Variants in VIRMA observed in about 807,000 individuals in gnomAD.
The protein encoded by VIRMA is vir like m6A methyltransferase associated.
Under a neutral mutation model 182.4 loss-of-function variants are expected in VIRMA, and 65 were observed. That is an observed-to-expected ratio of 0.36 (90% CI 0.29 to 0.44). The LOEUF (loss-of-function observed/expected upper bound fraction) is 0.44. Among genes scored for constraint, VIRMA ranks in the 20% least tolerant of loss-of-function variants. The pLI is 1.00. For missense variants in VIRMA, 1,752 were observed against 2,158.1 expected (o/e 0.81, Z 3.73); for synonymous variants, 709 against 743.1 (o/e 0.95, Z 0.75).
chr8:94,531,820 T>G (rs1390708368), intron 5 of VIRMA, among the ~76,000 whole-genome samples: 2 of 152,234 alleles, frequency 1.3e-5, no homozygotes, highest in Non-Finnish European at 2.9e-5. Flanking sequence ...CAGTTAAATT[T>G]TGGTACATCT....
intron 5 of VIRMA, 76 bp from the exon 6 acceptor site, chr8:94,531,161 T>C: frequency 7.2e-7 from 1 of 1,398,128 alleles, no homozygotes; most frequent in Non-Finnish European, 9.4e-7. Context: ...TTGAACTGTG[T>C]GGGTCCACTT....
At chr8:94,531,579 T>C (rs1354427995) in intron 5 of VIRMA, among the ~76,000 whole-genome samples, 1 of 152,236 alleles carries the variant, frequency 6.6e-6, no homozygotes, top group Non-Finnish European at 1.5e-5. Context: ...TAACTGATTA[T>C]AAACTTTTCC....
chr8:94,526,080 A>C (rs892775872), intron 8 of VIRMA, 143 bp downstream of exon 8: 2 of 648,642 alleles, frequency 3.1e-6, no homozygotes, highest in Non-Finnish European at 5.3e-6. Context: ...TCTCAGTTCC[A>C]CTACTAAATA....
rs1305581566 is a variant in VIRMA at position 94,520,532 on chromosome 8, C to T, written c.2022-1056G>A. Among the ~76,000 whole-genome samples, 3 of 152,206 alleles carry T rather than the reference C, an allele frequency of 2.0e-5. No homozygotes were observed. The East Asian group carries it at 5.8e-4, about 29-fold the overall frequency. On this transcript the variant is annotated intron_variant, in intron 8 of 23. Coordinates refer to ENST00000297591, the MANE Select transcript of VIRMA (RefSeq NM_015496.5). Reference sequence around the variant, plus strand: ...AAAGACAGAAAAGAATGTATCTGTACTGACCATGTACAGACTTTTTTCTTA... The same window carrying T: ...AAAGACAGAAAAGAATGTATCTGTATTGACCATGTACAGACTTTTTTCTTA...
chr8:94,552,671 G>A (rs1816035642), intron 1 of VIRMA, among the ~76,000 whole-genome samples: 1 of 151,840 alleles, frequency 6.6e-6, no homozygotes, highest in Non-Finnish European at 1.5e-5. Context: ...CATATTGCAG[G>A]GCCAATTGTA....
intron 6 of VIRMA, among the ~76,000 whole-genome samples, chr8:94,530,299 A>G (rs1392368222): frequency 6.6e-6 from 1 of 152,064 alleles, no homozygotes; most frequent in Non-Finnish European, 1.5e-5. Context: ...GGATCACTTG[A>G]GTTTAAGACC....
At chr8:94,509,319 T>C (rs997783252) in intron 15 of VIRMA, among the ~76,000 whole-genome samples, 4 of 151,766 alleles carry the variant, frequency 2.6e-5, no homozygotes, top group African/African-American at 9.7e-5. Context: ...GAGAATCACT[T>C]GAACCCAGTG....
At chr8:94,536,222 T>C (rs965841454) in intron 4 of VIRMA, among the ~76,000 whole-genome samples, 10 of 152,230 alleles carry the variant, frequency 6.6e-5, no homozygotes, top group East Asian at 5.8e-4. Context: ...CAAGGATTGA[T>C]AGACTGAACA....
intron 2 of VIRMA, among the ~76,000 whole-genome samples, 197 bp from the exon 3 acceptor site, chr8:94,538,543 G>A (rs1447890140): frequency 6.6e-6 from 1 of 152,182 alleles, no homozygotes; most frequent in Non-Finnish European, 1.5e-5. Flanking sequence ...GTAGCCAACA[G>A]CTGATTTTAA....
intron 11 of VIRMA, chr8:94,512,376 A>G (rs1253884686): frequency 6.0e-6 from 1 of 167,270 alleles, no homozygotes; most frequent in Admixed American, 6.4e-5. Context: ...AAGATAACAT[A>G]AAGAAATGTA....
In VIRMA at chr8:94,510,590, A is replaced by G. The variant is rs1280686148; in HGVS notation, c.3453T>C (p.Leu1151=). 1 of 1,614,144 alleles carries G rather than the reference A, an allele frequency of 6.2e-7. No individual in the cohort carries two copies. The highest frequency in any genetic ancestry group is 2.2e-5 in the East Asian group (1 of 44,872). Residue 1151 remains leucine (L), a synonymous_variant, in exon 14 of 24, where the codon CTT becomes CTC. Coordinates refer to ENST00000297591, the MANE Select transcript of VIRMA (RefSeq NM_015496.5). ...LNTRKLWSMH[L]HVQAKLLQEI... ...CTTGGAGCAACTTTGCTTGAACATG[A>G]AGGTGCATGCTCCACAATTTTCGGG...
At chr8:94,520,678 C>T (rs1234832812) in intron 8 of VIRMA, among the ~76,000 whole-genome samples, 2 of 152,106 alleles carry the variant, frequency 1.3e-5, no homozygotes, top group African/African-American at 4.8e-5. Context: ...AGGTTATATG[C>T]AAATACTACA....
chr8:94,513,268 T>G (rs1235719224), intron 11 of VIRMA, among the ~76,000 whole-genome samples: 1 of 152,016 alleles, frequency 6.6e-6, no homozygotes, highest in Non-Finnish European at 1.5e-5. Context: ...ATCTGGAAGA[T>G]GGAAGTTGCA....
chr8:94,495,662 T>G (rs966463140), intron 19 of VIRMA, 69 bp downstream of exon 19: 6 of 1,361,468 alleles, frequency 4.4e-6, no homozygotes, highest in Non-Finnish European at 6.0e-6. Context: ...AAACGTTTGC[T>G]GGCACCCCCT....
intron 16 of VIRMA, among the ~76,000 whole-genome samples, chr8:94,505,722 G>C (rs1814131812): frequency 6.6e-6 from 1 of 151,902 alleles, no homozygotes; most frequent in Non-Finnish European, 1.5e-5. Flanking sequence ...GAACTACTGG[G>C]CTCAAGTGAT....
At chr8:94,503,647 G>A (rs1005097668) in intron 16 of VIRMA, among the ~76,000 whole-genome samples, 6 of 152,130 alleles carry the variant, frequency 3.9e-5, no homozygotes, top group Non-Finnish European at 7.3e-5. Context: ...GTTAATAGTA[G>A]TATGACAACA....
At chr8:94,501,526 T>G (rs368861799) in intron 16 of VIRMA, among the ~76,000 whole-genome samples, 68 of 152,344 alleles carry the variant, frequency 4.5e-4, no homozygotes, top group African/African-American at 1.6e-3. Context: ...AGTTTGAGAC[T>G]GCTACTTCAT....
intron 15 of VIRMA, among the ~76,000 whole-genome samples, chr8:94,509,439 T>TG (rs1319988237): frequency 1.3e-5 from 2 of 151,180 alleles, no homozygotes; most frequent in Non-Finnish European, 2.9e-5. Flanking sequence ...GTAACGTAAT[T>TG]GGAAGGAAAA....
intron 3 of VIRMA, among the ~76,000 whole-genome samples, chr8:94,537,773 A>G (rs1295100218): frequency 1.3e-5 from 2 of 152,156 alleles, no homozygotes; most frequent in Non-Finnish European, 2.9e-5. Flanking sequence ...TCACAACAAC[A>G]GGTTTAATAA....
Sources: allele counts gnomAD v4.1 joint callset (sites outside exome capture counted in the v4.1 genomes callset), GRCh38; gene constraint gnomAD v4.1.1; transcripts MANE v1.5; gene names NCBI Gene and HGNC (gene_info 2026-07-23, HGNC 2026-07-21).